Variants in PHF2 observed in about 807,000 individuals in gnomAD.
PHF2 encodes PHD finger protein 2.
Under a neutral mutation model 120.5 loss-of-function variants are expected in PHF2, and 27 were observed. The observed-to-expected ratio is 0.22, with a 90% CI of 0.17 to 0.31. The LOEUF (loss-of-function observed/expected upper bound fraction) is 0.31. PHF2 is among the 10% of genes least tolerant of loss of function. PHF2 has a pLI of 1.00. For missense variants in PHF2, 1,024 were observed against 1,434.8 expected, an observed-to-expected ratio of 0.71 and a Z score of 4.63; for synonymous variants, 568 against 592.5, an observed-to-expected ratio of 0.96 and a Z score of 0.60.
At chr9:93,629,373 C>G (rs922318802) in intron 1 of PHF2, among the ~76,000 whole-genome samples, 13 of 152,274 alleles carry the variant, frequency 8.5e-5, no homozygotes, top group Admixed American at 5.2e-4. Flanking sequence ...TAGGAGGTGG[C>G]TCTCTCTTGT....
intron 2 of PHF2, 141 bp from the exon 3 acceptor site, chr9:93,636,270 A>G: frequency 1.6e-6 from 1 of 634,860 alleles, no homozygotes; most frequent in Non-Finnish European, 2.8e-6. Context: ...TGGGGGTGTC[A>G]TCAGTCTTGA....
intron 1 of PHF2, among the ~76,000 whole-genome samples, chr9:93,599,873 G>A (rs533897939): frequency 1.3e-5 from 2 of 152,354 alleles, no homozygotes; most frequent in African/African-American, 2.4e-5. Flanking sequence ...CTGTGGTTTT[G>A]TTTGCTGAGT....
At chr9:93,623,614 T>G (rs1056321103) in intron 1 of PHF2, among the ~76,000 whole-genome samples, 2 of 152,242 alleles carry the variant, frequency 1.3e-5, no homozygotes, top group African/African-American at 4.8e-5. Context: ...TTCATCAATG[T>G]TCTGAGTTTC....
At chr9:93,622,504 G>T (rs1181350921) in intron 1 of PHF2, among the ~76,000 whole-genome samples, 1 of 152,142 alleles carries the variant, frequency 6.6e-6, no homozygotes, top group African/African-American at 2.4e-5. Context: ...GGGGAGGAGG[G>T]TTGAGTCAGG....
At chr9:93,663,103 C>G in intron 13 of PHF2, 77 bp downstream of exon 13, 2 of 1,580,540 alleles carry the variant, frequency 1.3e-6, no homozygotes, top group Admixed American at 3.5e-5. Context: ...CTGTGAGGCC[C>G]TGTGTGTGTG....
chr9:93,665,226 G>A (rs1587716782), intron 14 of PHF2, among the ~76,000 whole-genome samples: 1 of 152,224 alleles, frequency 6.6e-6, no homozygotes, highest in Non-Finnish European at 1.5e-5. Context: ...TCCTTTTCCG[G>A]TTAAAGACCA....
Position 93,658,157 on chromosome 9 carries a change from C to A in PHF2, c.1160C>A (p.Ser387Tyr). The A allele has an allele frequency of 6.2e-7, 1 of 1,611,406 alleles. No homozygotes were observed. Among genetic ancestry groups the A allele is most frequent in the East Asian group, 2.2e-5 (1 of 44,864 alleles). ...LLEAFKGSHK[S>Y]GKQLPPHLVQ... ...GTCTCCTTCCCAGGCTCTCACAAAT[C>A]TGGGAAGCAGCTGCCCCCTCATCTA... The change falls in exon 10 of 22, where the codon TCT becomes TAT. Residue 387 changes from serine to tyrosine, a missense_variant. Ser to Tyr is a moderately radical substitution (Grantham distance 144, BLOSUM62 -2). This residue lies in a region of PHF2 where 347 missense variants were observed against 577.4 expected (regional missense o/e 0.60). Coordinates refer to ENST00000359246, the MANE Select transcript of PHF2 (RefSeq NM_005392.4).
rs760753674 is a variant in PHF2, at chr9:93,654,520, C to T, written c.897C>T (p.Val299=). The change falls in exon 7 of 22, where the codon GTC becomes GTT. Residue 299 remains valine (V), a synonymous_variant. Coordinates refer to ENST00000359246, the MANE Select transcript of PHF2 (RefSeq NM_005392.4). The part of the protein sequence containing the change: ...NHSEMFFADQ[V]DKCYKCIVKQ... ...GCGAGATGTTCTTTGCTGACCAGGT[C>T]GACAAATGCTACAAGTGCATCGTCA... is the stretch of plus-strand genomic sequence containing the variant. 5 of 1,614,092 alleles carry T rather than the reference C, an allele frequency of 3.1e-6. No homozygotes were observed. The highest frequency in any genetic ancestry group is 4.2e-6 in the Non-Finnish European group (5 of 1,180,014).
At chr9:93,646,670 G>A (rs1437700358) in intron 4 of PHF2, among the ~76,000 whole-genome samples, 1 of 152,154 alleles carries the variant, frequency 6.6e-6, no homozygotes, top group Non-Finnish European at 1.5e-5. Context: ...AAGCCTCTGG[G>A]CACATAGGGG....
At chr9:93,668,497 G>A (rs1342567032) in intron 17 of PHF2, among the ~76,000 whole-genome samples, 1 of 152,170 alleles carries the variant, frequency 6.6e-6, no homozygotes, top group Non-Finnish European at 1.5e-5. Flanking sequence ...AGAGGCCTGG[G>A]GGTCCTGGGG....
In PHF2 at chr9:93,576,722, A is replaced by C. The variant is rs1209450580; in HGVS notation, c.-52A>C. 7 of 868,890 alleles carry C rather than the reference A, an allele frequency of 8.1e-6. No individual in the cohort carries two copies. The highest frequency in any genetic ancestry group is 2.0e-5 in the African/African-American group (1 of 51,240). The allele number at this position is 868,890 out of a possible 1,614,324, so 53.8% of individuals were successfully genotyped here. ...CGGCCCGGCCCCCGGCCCGGCCCGG[A>C]CCGACCCGGGCAGCGCAGCGGCGGG... On this transcript the variant is annotated 5_prime_UTR_variant, in exon 1 of 22. Coordinates refer to ENST00000359246, the MANE Select transcript of PHF2 (RefSeq NM_005392.4).
At chr9:93,657,815 G>T (rs562389538) in intron 9 of PHF2, among the ~76,000 whole-genome samples, 1 of 152,344 alleles carries the variant, frequency 6.6e-6, no homozygotes, top group East Asian at 1.9e-4. Flanking sequence ...TGTGGCCTGG[G>T]TCCTGGCATG....
intron 16 of PHF2, 53 bp downstream of exon 16, chr9:93,666,113 C>A: frequency 6.3e-7 from 1 of 1,575,782 alleles, no homozygotes. Flanking sequence ...CTGGGCAGTC[C>A]CCAAGGCCAT....
intron 1 of PHF2, among the ~76,000 whole-genome samples, chr9:93,620,147 G>C (rs1261737019): frequency 6.6e-6 from 1 of 152,206 alleles, no homozygotes; most frequent in Non-Finnish European, 1.5e-5. Context: ...GCAGGGCCCA[G>C]CCTGGGAGTG....
chr9:93,604,567 C>G (rs1399171101), intron 1 of PHF2, among the ~76,000 whole-genome samples: 2 of 151,752 alleles, frequency 1.3e-5, no homozygotes, highest in African/African-American at 4.8e-5. Flanking sequence ...CGGGTTCACG[C>G]CATTCTCCTG....
chr9:93,676,522 G>A lies in PHF2; in HGVS notation c.2833-72G>A. On this transcript the variant is annotated intron_variant, in intron 20 of 21. Transcript: ENST00000359246. ...GCTCAAGGGCCCCTGGCAAGGCCATGCCGGGAGCTCCCTGCTCTGTTGGCC... is the reference window on the plus strand; with the variant it reads ...GCTCAAGGGCCCCTGGCAAGGCCATACCGGGAGCTCCCTGCTCTGTTGGCC... 3 of 1,524,798 alleles carry A rather than the reference G, an allele frequency of 2.0e-6. No homozygotes were observed. In the South Asian group the frequency reaches 3.8e-5, roughly 19 times the overall value. 94.5% of individuals were successfully genotyped at this position (1,524,798 alleles called of 1,614,324 possible). A position where few individuals can be genotyped will look rare whatever the true frequency, so the allele number is the denominator to read the frequency against.
chr9:93,675,599 G>A (rs989124861), intron 19 of PHF2, 81 bp from the exon 20 acceptor site: 9 of 1,062,496 alleles, frequency 8.5e-6, no homozygotes, highest in Non-Finnish European at 1.3e-5. Flanking sequence ...AGGCTGGGGT[G>A]GGGGCAGGGT....
At chr9:93,627,697 A>T (rs1825937469) in intron 1 of PHF2, among the ~76,000 whole-genome samples, 1 of 152,040 alleles carries the variant, frequency 6.6e-6, no homozygotes, top group African/African-American at 2.4e-5. Context: ...CCTAGTTTGT[A>T]GAGTATTTTT....
intron 1 of PHF2, among the ~76,000 whole-genome samples, chr9:93,589,447 G>A (rs919345524): frequency 1.3e-5 from 2 of 152,102 alleles, no homozygotes; most frequent in African/African-American, 2.4e-5. Flanking sequence ...GCACCTTGCC[G>A]CTTGCCCCAC....
Sources: allele counts gnomAD v4.1 joint callset (sites outside exome capture counted in the v4.1 genomes callset), GRCh38; gene constraint gnomAD v4.1.1; regional missense constraint gnomAD v4.1.1; transcripts MANE v1.5; gene names NCBI Gene and HGNC (gene_info 2026-07-23, HGNC 2026-07-21).